GRAP2: variants seen among roughly 807,000 people sequenced by gnomAD.
GRAP2 encodes the protein GRB2 related adaptor protein 2.
GRAP2 carries 31 observed loss-of-function variants against 43.5 expected under a neutral mutation model. The observed-to-expected ratio is 0.71, with a 90% CI of 0.54 to 0.96. GRAP2 has a LOEUF of 0.96. GRAP2 is among the 40% of genes least tolerant of loss of function. GRAP2 has a pLI of 0.00. For synonymous variants in GRAP2, 156 were observed against 164.8 expected (o/e 0.95, Z 0.41); for missense variants, 371 against 424.4 (o/e 0.87, Z 1.11).
chr22:39,909,809 A>G (rs1230714982), intron 1 of GRAP2, among the ~76,000 whole-genome samples: 1 of 152,190 alleles, frequency 6.6e-6, no homozygotes, highest in Non-Finnish European at 1.5e-5. Context: ...AGGCTGAGAG[A>G]GATGGTTTAG....
chr22:39,904,276 T>C (rs1299448114), intron 1 of GRAP2, among the ~76,000 whole-genome samples: 1 of 152,140 alleles, frequency 6.6e-6, no homozygotes, highest in Non-Finnish European at 1.5e-5. Flanking sequence ...TAATCCCAGC[T>C]ACTTGGGAGA....
At chr22:39,964,471 C>A in intron 4 of GRAP2, 1 of 1,026,962 alleles carries the variant, frequency 9.7e-7, no homozygotes, top group Non-Finnish European at 1.5e-6. Context: ...CAAGCAGAAA[C>A]AAAAAGAGGA....
At chr22:39,916,258 G>T (rs988565909) in intron 1 of GRAP2, among the ~76,000 whole-genome samples, 1 of 152,344 alleles carries the variant, frequency 6.6e-6, no homozygotes, top group Admixed American at 6.5e-5. Flanking sequence ...CATCACCTCC[G>T]TGAACGGAAG....
chr22:39,926,143 T>G (rs999017780), intron 1 of GRAP2, among the ~76,000 whole-genome samples: 3 of 152,250 alleles, frequency 2.0e-5, no homozygotes, highest in Admixed American at 6.5e-5. Context: ...CGGTGCCTGG[T>G]ACACACTAGG....
At chr22:39,934,784 T>C (rs540290943) in intron 1 of GRAP2, among the ~76,000 whole-genome samples, 4 of 152,126 alleles carry the variant, frequency 2.6e-5, no homozygotes, top group African/African-American at 9.6e-5. Context: ...GGCAGGAGGA[T>C]GCCTAAAGCC....
At chr22:39,938,744 G>A (rs895366809) in intron 1 of GRAP2, among the ~76,000 whole-genome samples, 2 of 152,280 alleles carry the variant, frequency 1.3e-5, no homozygotes, top group Admixed American at 6.5e-5. Flanking sequence ...CTCTGTTGGC[G>A]GCTTTCAGAA....
At chr22:39,970,489 T>C (rs995699187) in intron 7 of GRAP2, among the ~76,000 whole-genome samples, 2 of 152,214 alleles carry the variant, frequency 1.3e-5, no homozygotes, top group Non-Finnish European at 2.9e-5. Context: ...CCTATTGATG[T>C]GGAGAGAGTG....
intron 1 of GRAP2, chr22:39,946,761 C>A: frequency 4.0e-6 from 1 of 250,772 alleles, no homozygotes; most frequent in Non-Finnish European, 7.8e-6. Context: ...TGATAGCAAG[C>A]CTTCCCTCCT....
chr22:39,921,944 T>C (rs1035898901), intron 1 of GRAP2, among the ~76,000 whole-genome samples: 14 of 152,264 alleles, frequency 9.2e-5, no homozygotes, highest in Admixed American at 6.5e-4. Context: ...AACTTCTTAT[T>C]CTTAAGAGCA....
chr22:39,931,280 G>A (rs1173338410), intron 1 of GRAP2, among the ~76,000 whole-genome samples: 1 of 152,204 alleles, frequency 6.6e-6, no homozygotes, highest in African/African-American at 2.4e-5. Context: ...CCAATTCCTG[G>A]AAGTACAGAG....
At chr22:39,955,751 A>C in intron 2 of GRAP2, 68 bp from the exon 3 acceptor site, 1 of 791,744 alleles carries the variant, frequency 1.3e-6, no homozygotes, top group Non-Finnish European at 2.3e-6. Flanking sequence ...TTTGCCTGGC[A>C]GCCCCTTTCT....
chr22:39,933,036 A>C (rs2066771918), intron 1 of GRAP2, among the ~76,000 whole-genome samples: 1 of 152,224 alleles, frequency 6.6e-6, no homozygotes, highest in Non-Finnish European at 1.5e-5. Context: ...GATAACTTCA[A>C]GTCCCCTGGA....
chr22:39,921,873 A>G (rs1031790398), intron 1 of GRAP2, among the ~76,000 whole-genome samples: 1 of 152,184 alleles, frequency 6.6e-6, no homozygotes, highest in Non-Finnish European at 1.5e-5. Flanking sequence ...TGGCACAATT[A>G]TAGTTCATTG....
upstream of GRAP2, among the ~76,000 whole-genome samples, chr22:39,897,766 G>A (rs930044867): frequency 1.3e-5 from 2 of 152,016 alleles, no homozygotes; most frequent in African/African-American, 4.8e-5. Context: ...TGATCCATCC[G>A]CCTCAGTCTC....
At chr22:39,910,661 C>A (rs1182496063) in intron 1 of GRAP2, among the ~76,000 whole-genome samples, 5 of 151,740 alleles carry the variant, frequency 3.3e-5, no homozygotes, top group Non-Finnish European at 1.5e-5. Flanking sequence ...CCTGCCTCGG[C>A]CTCGCAAAGT....
intron 3 of GRAP2, among the ~76,000 whole-genome samples, chr22:39,957,594 C>G (rs1357195164): frequency 6.6e-6 from 1 of 152,146 alleles, no homozygotes; most frequent in Non-Finnish European, 1.5e-5. Flanking sequence ...AACACACACG[C>G]TGCAATTTCT....
At chr22:39,967,816 T>C (rs1270081303) in intron 5 of GRAP2, among the ~76,000 whole-genome samples, 1 of 152,218 alleles carries the variant, frequency 6.6e-6, no homozygotes, top group African/African-American at 2.4e-5. Flanking sequence ...TGTTAGTCTG[T>C]GAACCAGAGA....
At chr22:39,963,498 T>A (rs1286121879) in intron 4 of GRAP2, among the ~76,000 whole-genome samples, 1 of 152,194 alleles carries the variant, frequency 6.6e-6, no homozygotes, top group Non-Finnish European at 1.5e-5. Flanking sequence ...TTTGAGTTGA[T>A]CCATGTTGTC....
At chr22:39,954,382 T>A (rs1396358129) in intron 2 of GRAP2, among the ~76,000 whole-genome samples, 1 of 152,168 alleles carries the variant, frequency 6.6e-6, no homozygotes, top group Non-Finnish European at 1.5e-5. Context: ...ATTGTTCTAG[T>A]CTATATCAAA....
Sources: gnomAD v4.1 joint callset for allele counts (sites outside exome capture counted in the v4.1 genomes callset) on GRCh38, gnomAD v4.1.1 for gene constraint, MANE v1.5 for transcripts, NCBI Gene and HGNC (gene_info 2026-07-23, HGNC 2026-07-21) for gene names.